The following CNTRL variants were observed in gnomAD, a reference collection of about 807,000 sequenced individuals.
CNTRL encodes the protein centriolin.
CNTRL carries 233 observed loss-of-function variants against 303.7 expected under a neutral mutation model. The observed-to-expected ratio is 0.77, with a 90% CI of 0.69 to 0.86. The LOEUF is 0.86. Among genes scored for constraint, CNTRL ranks in the 40% least tolerant of loss-of-function variants. CNTRL has a pLI of 0.00. For synonymous variants in CNTRL, 900 were observed against 922.2 expected, an observed-to-expected ratio of 0.98 and a Z score of 0.44; for missense variants, 2,524 against 2,650.6, an observed-to-expected ratio of 0.95 and a Z score of 1.05.
chr9:121,094,034 C>T (rs886661375), intron 4 of CNTRL, among the ~76,000 whole-genome samples: 1 of 151,964 alleles, frequency 6.6e-6, no homozygotes, highest in African/African-American at 2.4e-5. Context: ...CGCTTGAACC[C>T]GAGAGGCAGA....
At chr9:121,175,370 G>A in intron 43 of CNTRL, 146 bp downstream of exon 43, 1 of 717,968 alleles carries the variant, frequency 1.4e-6, no homozygotes, top group Non-Finnish European at 2.4e-6. Context: ...AGGCTCAAGT[G>A]ATCCTCCCAC....
At chr9:121,130,571 C>G (rs940549975) in intron 14 of CNTRL, among the ~76,000 whole-genome samples, 2 of 152,000 alleles carry the variant, frequency 1.3e-5, no homozygotes, top group African/African-American at 4.8e-5. Flanking sequence ...TTGATCTTTT[C>G]AAAAAACCAG....
chr9:121,155,003 T>C, intron 27 of CNTRL, 90 bp downstream of exon 27: 2 of 1,158,472 alleles, frequency 1.7e-6, no homozygotes, highest in Non-Finnish European at 1.3e-6. Context: ...ATGTGTGTGA[T>C]AAGAGGACAG....
chr9:121,158,894 CAGTT>C lies in CNTRL; in HGVS notation c.4807_4810del (p.Leu1603GlyfsTer25). 6.2e-7 allele frequency: 1 copy of C among 1,614,032 alleles called. No individual in the cohort carries two copies. The highest frequency in any genetic ancestry group is 1.3e-5 in the African/African-American group (1 of 74,994). On this transcript the variant is annotated frameshift_variant, in exon 31 of 44. Coordinates refer to ENST00000373855, the MANE Select transcript of CNTRL (RefSeq NM_007018.6). LOFTEE classifies it high-confidence loss of function. ...GCAGGAGATGGCTGTCTTGGACAGG[CAGTT>C]AGGGCATAAAAAGGAGGAGCTGCAT...
intron 24 of CNTRL, among the ~76,000 whole-genome samples, chr9:121,149,140 C>A (rs1244673239): frequency 2.0e-5 from 3 of 152,208 alleles, no homozygotes; most frequent in Non-Finnish European, 4.4e-5. Context: ...CTGCTTCACC[C>A]AGGCTGACTA....
chr9:121,108,265 A>G (rs2049576203), intron 8 of CNTRL, among the ~76,000 whole-genome samples: 1 of 152,208 alleles, frequency 6.6e-6, no homozygotes, highest in South Asian at 2.1e-4. Context: ...ATTGGCAAAA[A>G]CATTTAGAAG....
chr9:121,133,483 T>G (rs1328296231), intron 14 of CNTRL, among the ~76,000 whole-genome samples: 2 of 152,248 alleles, frequency 1.3e-5, no homozygotes, highest in African/African-American at 4.8e-5. Flanking sequence ...GTGTGCTGTT[T>G]GCTAAGACCA....
intron 5 of CNTRL, among the ~76,000 whole-genome samples, chr9:121,095,392 C>A (rs548968761): frequency 1.1e-4 from 17 of 152,242 alleles, no homozygotes; most frequent in African/African-American, 4.1e-4. Context: ...CCAAGATGTT[C>A]TAATCTGTTT....
intron 1 of CNTRL, among the ~76,000 whole-genome samples, 189 bp downstream of exon 1, chr9:121,075,256 G>T (rs2047869823): frequency 6.6e-6 from 1 of 152,254 alleles, no homozygotes; most frequent in Non-Finnish European, 1.5e-5. Context: ...GGCGTGGGGC[G>T]GTGGATGAAG....
intron 1 of CNTRL, among the ~76,000 whole-genome samples, chr9:121,079,191 G>A (rs1389284733): frequency 6.6e-6 from 1 of 152,054 alleles, no homozygotes; most frequent in African/African-American, 2.4e-5. Flanking sequence ...TTTTTTCCAT[G>A]GCAAAATTGT....
intron 31 of CNTRL, 119 bp downstream of exon 31, chr9:121,159,138 T>C (rs992598467): frequency 9.8e-7 from 1 of 1,023,234 alleles, no homozygotes; most frequent in Admixed American, 2.7e-5. Context: ...TTGCCTCCTC[T>C]GTAAAATCAG....
chr9:121,103,605 A>G (rs1374937736), intron 7 of CNTRL, among the ~76,000 whole-genome samples: 4 of 152,244 alleles, frequency 2.6e-5, no homozygotes, highest in Non-Finnish European at 5.9e-5. Flanking sequence ...CATCAGAGTG[A>G]ACAGGCAACC....
chr9:121,086,684 A>G (rs913273913), intron 2 of CNTRL, among the ~76,000 whole-genome samples: 1 of 131,380 alleles, frequency 7.6e-6, no homozygotes, highest in Non-Finnish European at 1.5e-5. Context: ...TCTGTTTCCC[A>G]GGCTGGACTG....
At position 121,095,028 on chromosome 9, in the gene CNTRL, A is replaced by G. The variant is rs767070599; in HGVS notation, c.479+10A>G. 9 of 1,588,442 alleles carry G rather than the reference A, an allele frequency of 5.7e-6. No individual in the cohort carries two copies. The highest frequency in any genetic ancestry group is 6.8e-6 in the Non-Finnish European group (8 of 1,169,788). ...CATATAACAAAATCAGGTGAGTTAT[A>G]TAACAAAATCTTTAGGCAGCATTGC... is the stretch of plus-strand genomic sequence containing the variant. On this transcript the variant is annotated intron_variant, in intron 5 of 43. Coordinates refer to ENST00000373855, the MANE Select transcript of CNTRL (RefSeq NM_007018.6).
Position 121,148,976 on chromosome 9 carries a change from T to G in CNTRL, c.3649+115T>G, listed in dbSNP as rs551848929. 4.3e-6 allele frequency: 4 copies of G among 921,438 alleles called. No homozygotes were observed. In the African/African-American group the frequency reaches 6.7e-5, roughly 15 times the overall value. 57.1% of individuals were successfully genotyped at this position (921,438 alleles called of 1,614,324 possible). A position where few individuals can be genotyped will look rare whatever the true frequency, so the allele number is the denominator to read the frequency against. Reference sequence around the variant, plus strand: ...ACTCCTTAGCTAGCTCCATGAGGTCTTCTGTGATCTGGTCTTGGCCAGCGA... The same window carrying G: ...ACTCCTTAGCTAGCTCCATGAGGTCGTCTGTGATCTGGTCTTGGCCAGCGA... On this transcript the variant is annotated intron_variant, in intron 24 of 43. Transcript: ENST00000373855.
intron 11 of CNTRL, among the ~76,000 whole-genome samples, chr9:121,115,644 A>C (rs1393397462): frequency 1.3e-5 from 2 of 152,206 alleles, no homozygotes; most frequent in Admixed American, 6.5e-5. Context: ...AAAATTACCA[A>C]AGTGTGTTGT....
At chr9:121,099,971 T>C (rs1445851656) in intron 7 of CNTRL, among the ~76,000 whole-genome samples, 1 of 152,202 alleles carries the variant, frequency 6.6e-6, no homozygotes, top group Non-Finnish European at 1.5e-5. Flanking sequence ...TGGAACCAAT[T>C]TGGAAAACAC....
intron 35 of CNTRL, among the ~76,000 whole-genome samples, 172 bp downstream of exon 35, chr9:121,165,272 C>A (rs1276371167): frequency 1.3e-5 from 2 of 151,948 alleles, no homozygotes; most frequent in Non-Finnish European, 2.9e-5. Flanking sequence ...GAATTGTACA[C>A]TTTAAATAGG....
chr9:121,100,053 A>G (rs1207835793), intron 7 of CNTRL, among the ~76,000 whole-genome samples: 2 of 152,236 alleles, frequency 1.3e-5, no homozygotes, highest in Admixed American at 6.5e-5. Flanking sequence ...CAGGAAATAC[A>G]GAGAATGCCA....
Sources: allele counts gnomAD v4.1 joint callset (sites outside exome capture counted in the v4.1 genomes callset), GRCh38; gene constraint gnomAD v4.1.1; transcripts MANE v1.5; gene names NCBI Gene and HGNC (gene_info 2026-07-23, HGNC 2026-07-21).